Variants in SLCO3A1 observed in about 807,000 individuals in gnomAD.
The protein encoded by SLCO3A1 is solute carrier organic anion transporter family member 3A1, also known as PGE1 transporter.
A neutral mutation model predicts 63.1 loss-of-function variants in SLCO3A1; 27 were observed. The observed-to-expected ratio is 0.43, with a 90% confidence interval of 0.32 to 0.59. The LOEUF (loss-of-function observed/expected upper bound fraction) is 0.59, where lower values mean the gene tolerates loss of function less well. SLCO3A1 is among the 20% of genes least tolerant of loss of function. The pLI is 0.09. For synonymous variants in SLCO3A1, 473 were observed against 409.9 expected, an observed-to-expected ratio of 1.15 and a Z score of -1.86; for missense variants, 773 against 945.8, an observed-to-expected ratio of 0.82 and a Z score of 2.40.
intron 2 of SLCO3A1, among the ~76,000 whole-genome samples, chr15:91,980,032 A>C (rs552081126): frequency 1.3e-5 from 2 of 152,342 alleles, no homozygotes; most frequent in South Asian, 2.1e-4. Context: ...CATTTGGTGC[A>C]TTAGAAATAT....
chr15:92,110,099 C>A (rs185312240), intron 4 of SLCO3A1, among the ~76,000 whole-genome samples: 263 of 152,296 alleles, frequency 1.7e-3, no homozygotes, highest in Non-Finnish European at 3.1e-3. Flanking sequence ...GCCTTTCCCC[C>A]CTCCAAAAGA....
intron 1 of SLCO3A1, among the ~76,000 whole-genome samples, chr15:91,901,091 T>C (rs1248359943): frequency 6.6e-6 from 1 of 152,212 alleles, no homozygotes; most frequent in East Asian, 1.9e-4. Context: ...TTCTTCTTTA[T>C]TGTACTCTTT....
At chr15:92,016,662 G>T (rs2046441658) in intron 2 of SLCO3A1, among the ~76,000 whole-genome samples, 1 of 152,206 alleles carries the variant, frequency 6.6e-6, no homozygotes, top group Non-Finnish European at 1.5e-5. Flanking sequence ...GATACTGACT[G>T]TGAAATGGAG....
At chr15:92,061,402 C>T (rs977821632) in intron 2 of SLCO3A1, among the ~76,000 whole-genome samples, 3 of 152,210 alleles carry the variant, frequency 2.0e-5, no homozygotes, top group Non-Finnish European at 4.4e-5. Context: ...AAGAGATGCA[C>T]AGCAGAAGAG....
At position 91,897,506 on chromosome 15, in the gene SLCO3A1, T is replaced by C. The variant is rs953829541; in HGVS notation, c.181-18487T>C. On this transcript the variant is annotated intron_variant, in intron 1 of 9. Coordinates refer to ENST00000318445, the MANE Select transcript of SLCO3A1 (RefSeq NM_013272.4). The surrounding 1 kb of genome is among the most constrained non-coding windows in gnomAD (Gnocchi z 4.7). ...TTATAAAGCTGGATGTTCCAACTAA[T>C]GTCCTATCCTGGTTTTTAAATTTCT... Among the ~76,000 whole-genome samples the C allele has an allele frequency of 6.6e-6, 1 of 152,198 alleles. No homozygotes were observed. Among genetic ancestry groups the C allele is most frequent in the African/African-American group, 2.4e-5 (1 of 41,448 alleles).
chr15:92,115,158 T>G (rs1329239414), intron 4 of SLCO3A1, among the ~76,000 whole-genome samples: 1 of 152,006 alleles, frequency 6.6e-6, no homozygotes, highest in Non-Finnish European at 1.5e-5. Flanking sequence ...TGATAACCAC[T>G]GCCTTGGGCA....
At chr15:91,855,296 A>G (rs1325158538) in intron 1 of SLCO3A1, among the ~76,000 whole-genome samples, 2 of 152,178 alleles carry the variant, frequency 1.3e-5, no homozygotes, top group Admixed American at 1.3e-4. Flanking sequence ...CTTAAGGCTC[A>G]GGGCTCACTG....
At chr15:92,085,392 C>G (rs1386047303) in intron 2 of SLCO3A1, among the ~76,000 whole-genome samples, 1 of 152,202 alleles carries the variant, frequency 6.6e-6, no homozygotes, top group Admixed American at 6.5e-5. Flanking sequence ...CCCAGTTTTG[C>G]GTAGGCATAT....
chr15:92,130,956 C>G (rs866419381), intron 7 of SLCO3A1, among the ~76,000 whole-genome samples: 1 of 151,056 alleles, frequency 6.6e-6, no homozygotes, highest in Non-Finnish European at 1.5e-5. Context: ...TCACAGTGAT[C>G]CCCTGGAATT....
chr15:92,160,972 G>A (rs931268301), intron 9 of SLCO3A1, among the ~76,000 whole-genome samples: 2 of 152,130 alleles, frequency 1.3e-5, no homozygotes, highest in Non-Finnish European at 2.9e-5. Flanking sequence ...ATGGGTAGGT[G>A]CATTTTGCTG....
chr15:91,930,763 A>G (rs547726016), intron 2 of SLCO3A1, among the ~76,000 whole-genome samples: 1 of 152,252 alleles, frequency 6.6e-6, no homozygotes, highest in South Asian at 2.1e-4. Flanking sequence ...AGACTGGGCT[A>G]AGTTCTTGAC....
chr15:92,163,873 A>C lies in SLCO3A1; in HGVS notation c.*738A>C. 1 of 985,746 alleles carries C rather than the reference A, an allele frequency of 1.0e-6. No homozygotes were observed. Among genetic ancestry groups the C allele is most frequent in the South Asian group, 4.7e-5 (1 of 21,300 alleles). 61.1% of individuals were successfully genotyped at this position (985,746 alleles called of 1,614,324 possible). On this transcript the variant is annotated 3_prime_UTR_variant, in exon 10 of 10. Coordinates refer to ENST00000318445, the MANE Select transcript of SLCO3A1 (RefSeq NM_013272.4). ...CTGAGGGGGAGCCAGGTGGGGGGCCAGCACCTCCCAGTGGCGGGCATCCAC... is the reference window on the plus strand; with the variant it reads ...CTGAGGGGGAGCCAGGTGGGGGGCCCGCACCTCCCAGTGGCGGGCATCCAC...
chr15:92,044,669 G>A (rs1327667749), intron 2 of SLCO3A1, among the ~76,000 whole-genome samples: 1 of 152,090 alleles, frequency 6.6e-6, no homozygotes, highest in Admixed American at 6.5e-5. Flanking sequence ...GGCAGCCCAC[G>A]GAATTGCTCT....
intron 2 of SLCO3A1, among the ~76,000 whole-genome samples, chr15:92,014,191 G>A (rs949011184): frequency 9.2e-5 from 14 of 152,098 alleles, no homozygotes; most frequent in Non-Finnish European, 1.6e-4. Context: ...TCCTCCCAAG[G>A]AAAAGAAAAT....
intron 2 of SLCO3A1, among the ~76,000 whole-genome samples, chr15:91,993,175 C>A (rs1008888287): frequency 5.3e-5 from 8 of 152,184 alleles, no homozygotes; most frequent in Non-Finnish European, 8.8e-5. Context: ...GGAGCTTGCC[C>A]ACAATTGTCT....
Position 91,941,956 on chromosome 15 carries a change from C to T in SLCO3A1, c.646+25498C>T, listed in dbSNP as rs1899637841. On this transcript the variant is annotated intron_variant, in intron 2 of 9. Transcript: ENST00000318445. This position sits in a 1 kb window ranked among gnomAD's most constrained non-coding sequence, Gnocchi z 4.4. The stretch of plus-strand genomic sequence containing the variant: ...CTTGCACCAGCGTACTGGCTGAGGA[C>T]TGCCTGCCTTTGAGCTAGGTCTTAC... Among the ~76,000 whole-genome samples, 1 of 152,190 alleles carries T rather than the reference C, an allele frequency of 6.6e-6. No individual in the cohort carries two copies. The highest frequency in any genetic ancestry group is 2.4e-5 in the African/African-American group (1 of 41,432).
intron 2 of SLCO3A1, among the ~76,000 whole-genome samples, chr15:92,058,678 A>T (rs552002898): frequency 6.6e-6 from 1 of 152,310 alleles, no homozygotes; most frequent in South Asian, 2.1e-4. Flanking sequence ...GCAGAAACAA[A>T]GTACCATAAA....
intron 9 of SLCO3A1, among the ~76,000 whole-genome samples, chr15:92,157,492 A>ATTT (rs201261449): frequency 3.5e-5 from 5 of 141,322 alleles, no homozygotes; most frequent in African/African-American, 8.0e-5. Context: ...ATGTGGAGAA[A>ATTT]TTTTTTTTTT....
Position 92,163,147 on chromosome 15 carries a change from G to T in SLCO3A1, c.*12G>T. 6.7e-7 allele frequency: 1 copy of T among 1,497,768 alleles called. No individual in the cohort carries two copies. Among genetic ancestry groups the T allele is most frequent in the Non-Finnish European group, 8.9e-7 (1 of 1,125,992 alleles). The allele number at this position is 1,497,768 out of a possible 1,614,324, so 92.8% of individuals were successfully genotyped here. On this transcript the variant is annotated 3_prime_UTR_variant, in exon 10 of 10. Coordinates refer to ENST00000318445, the MANE Select transcript of SLCO3A1 (RefSeq NM_013272.4). ...AGTCCGTTTTATAGTGACTAAAGGA[G>T]GGCTGAACTCTGTATTAGTAATCCA...
Sources: gnomAD v4.1 joint callset for allele counts (sites outside exome capture counted in the v4.1 genomes callset) on GRCh38, gnomAD v4.1.1 for gene constraint, Gnocchi (gnomAD v3.1) non-coding constraint, MANE v1.5 for transcripts, NCBI Gene and HGNC (gene_info 2026-07-23, HGNC 2026-07-21) for gene names.